DGAT2L6: variants seen among roughly 807,000 people sequenced by gnomAD.
DGAT2L6 encodes diacylglycerol O-acyltransferase 2 like 6.
Under a neutral mutation model 25.5 loss-of-function variants are expected in DGAT2L6, and 22 were observed. That is an observed-to-expected ratio of 0.86 (90% CI 0.62 to 1.23). The LOEUF is 1.23. DGAT2L6 is among the 50% of genes most tolerant of loss of function. DGAT2L6 has a pLI of 0.00. For synonymous variants in DGAT2L6, 100 were observed against 94.7 expected (o/e 1.06, Z -0.32); for missense variants, 287 against 253.2 (o/e 1.13, Z -0.91).
At chrX:70,202,143 T>A in intron 5 of DGAT2L6, 79 bp downstream of exon 5, 1 of 905,937 alleles carries the variant, frequency 1.1e-6, no homozygotes, top group East Asian at 4.0e-5. Flanking sequence ...GTGCCCTCCC[T>A]GGGCACCTGT....
At position 70,200,058 on chromosome X, in the gene DGAT2L6, C is replaced by G. The variant is rs186969997; in HGVS notation, c.267+176C>G. The stretch of plus-strand genomic sequence containing the variant: ...GGTGGGGAAACAGGTGGATGGCAGC[C>G]TTTCCTTCACTGGCAAACCCAGGTC... On this transcript the variant is annotated intron_variant, in intron 3 of 6. Transcript: ENST00000333026. Among the ~76,000 whole-genome samples, 705 of 111,303 alleles carry G rather than the reference C, an allele frequency of 6.3e-3. 2 individuals are homozygous for G. Among genetic ancestry groups the G allele is most frequent in the Non-Finnish European group, 0.011 (587 of 53,021 alleles).
At chrX:70,183,741 A>T (rs1432530216) in intron 1 of DGAT2L6, among the ~76,000 whole-genome samples, 1 of 111,323 alleles carries the variant, frequency 9.0e-6, no homozygotes, top group Non-Finnish European at 1.9e-5. Context: ...ACTGTAAAAA[A>T]TAGAACAGGT....
At chrX:70,197,561 CTAAA>C (rs2147608607) in intron 1 of DGAT2L6, among the ~76,000 whole-genome samples, 1 of 112,168 alleles carries the variant, frequency 8.9e-6, no homozygotes, top group Admixed American at 9.4e-5. Context: ...TACATGCTGA[CTAAA>C]TAGTAATTAT....
At chrX:70,185,821 G>A (rs1438057191) in intron 1 of DGAT2L6, among the ~76,000 whole-genome samples, 1 of 109,050 alleles carries the variant, frequency 9.2e-6, no homozygotes, top group East Asian at 2.8e-4. Context: ...TAATCACAAA[G>A]CCACAGAAAT....
chrX:70,180,500 GA>G (rs1291911598), intron 1 of DGAT2L6, among the ~76,000 whole-genome samples: 4 of 111,086 alleles, frequency 3.6e-5, no homozygotes, highest in African/African-American at 1.3e-4. Flanking sequence ...GAATAAACGG[GA>G]TTTTTTTTCA....
intron 1 of DGAT2L6, among the ~76,000 whole-genome samples, chrX:70,189,036 G>A (rs1429576954): frequency 9.6e-6 from 1 of 104,660 alleles, no homozygotes; most frequent in East Asian, 2.9e-4. Context: ...AAGATGAAAT[G>A]CTTTCTCCCT....
intron 1 of DGAT2L6, among the ~76,000 whole-genome samples, chrX:70,179,557 G>T (rs747825132): frequency 1.0e-5 from 1 of 95,617 alleles, no homozygotes; most frequent in South Asian, 5.2e-4. Flanking sequence ...GCTCTTCTGA[G>T]GCAGCTTTTT....
rs975361041 is a variant in DGAT2L6, at chrX:70,205,584, T to G, written c.*478T>G. 8.8e-6 allele frequency: 1 copy of G among 113,820 alleles called. No individual in the cohort carries two copies. Among genetic ancestry groups the G allele is most frequent in the African/African-American group, 3.2e-5 (1 of 30,914 alleles). The allele number at this position is 113,820 out of a possible 1,213,427, so 9.4% of individuals were successfully genotyped here. On this transcript the variant is annotated 3_prime_UTR_variant, in exon 7 of 7. Coordinates refer to ENST00000333026, the MANE Select transcript of DGAT2L6 (RefSeq NM_198512.3). ...ACTGCCACAAGGTAAACCAGGGACCTGAACTGTAGCTGCCTGGTCCAAGCA... is the reference window on the plus strand; with the variant it reads ...ACTGCCACAAGGTAAACCAGGGACCGGAACTGTAGCTGCCTGGTCCAAGCA...
intron 4 of DGAT2L6, 50 bp downstream of exon 4, chrX:70,200,509 C>G (rs1245378345): frequency 5.5e-6 from 6 of 1,087,041 alleles, no homozygotes; most frequent in Non-Finnish European, 7.5e-6. Context: ...TTCAAAGGTG[C>G]AACCCCAATA....
chrX:70,179,806 G>T (rs1279322759), intron 1 of DGAT2L6, among the ~76,000 whole-genome samples: 1 of 110,216 alleles, frequency 9.1e-6, no homozygotes, highest in African/African-American at 3.3e-5. Context: ...GACCTCAGGT[G>T]ATCCGCCGAC....
intron 1 of DGAT2L6, among the ~76,000 whole-genome samples, chrX:70,191,730 T>C (rs997171234): frequency 5.4e-5 from 6 of 112,067 alleles, no homozygotes; most frequent in African/African-American, 1.9e-4. Flanking sequence ...AAGCACATTA[T>C]AATCAAATTG....
intron 1 of DGAT2L6, among the ~76,000 whole-genome samples, chrX:70,196,793 G>A (rs2085393553): frequency 9.0e-6 from 1 of 111,151 alleles, no homozygotes; most frequent in South Asian, 3.8e-4. Flanking sequence ...AAGAACTACC[G>A]AAAGTCAACA....
Position 70,204,513 on chromosome X carries a change from G to C in DGAT2L6, c.856G>C (p.Val286Leu), listed in dbSNP as rs1011604220. ...GCCTTTCAATCGGCCCATTACCACTGTTGGTGAGCTTTCCCTTATCTCCGG... is the reference window on the plus strand; with the variant it reads ...GCCTTTCAATCGGCCCATTACCACTCTTGGTGAGCTTTCCCTTATCTCCGG... ...FLPFNRPITTVVGEPLPIPRI... is the reference protein window; with the variant it reads ...FLPFNRPITTLVGEPLPIPRI... The change falls in exon 6 of 7, where the codon GTT becomes CTT. Residue 286 changes from valine (V) to leucine (L), a missense_variant. Physicochemically the swap from Val to Leu is conservative, Grantham distance 32. Coordinates refer to ENST00000333026, the MANE Select transcript of DGAT2L6 (RefSeq NM_198512.3). 3 of 1,209,400 alleles carry C rather than the reference G, an allele frequency of 2.5e-6. No individual in the cohort carries two copies. The highest frequency in any genetic ancestry group is 4.4e-5 in the Admixed American group (2 of 45,945).
intron 1 of DGAT2L6, among the ~76,000 whole-genome samples, chrX:70,188,027 T>G (rs950775980): frequency 3.6e-5 from 4 of 111,874 alleles, no homozygotes; most frequent in Admixed American, 2.8e-4. Context: ...TTTATGAAGA[T>G]TAAATAAACT....
At chrX:70,197,339 G>A (rs1361525787) in intron 1 of DGAT2L6, among the ~76,000 whole-genome samples, 2 of 111,439 alleles carry the variant, frequency 1.8e-5, no homozygotes, top group Non-Finnish European at 3.8e-5. Context: ...GATGACACTC[G>A]GGCTGGGTCT....
chrX:70,203,856 A>G (rs2085419413), intron 5 of DGAT2L6, among the ~76,000 whole-genome samples: 1 of 110,601 alleles, frequency 9.0e-6, no homozygotes. Flanking sequence ...ACAAAGACAC[A>G]GAGATGAGAG....
chrX:70,205,198 T>G lies in DGAT2L6; in HGVS notation c.*92T>G. 2.0e-6 allele frequency: 2 copies of G among 979,864 alleles called. No homozygotes were observed. Among genetic ancestry groups the G allele is most frequent in the Non-Finnish European group, 2.7e-6 (2 of 748,534 alleles). 80.8% of individuals were successfully genotyped at this position (979,864 alleles called of 1,213,427 possible). ...AGAAGAATTCCAGGAGAGGGAAAGA[T>G]CGTAAGGATGAGAGAGGAGACCATC... On this transcript the variant is annotated 3_prime_UTR_variant, in exon 7 of 7. Coordinates refer to ENST00000333026, the MANE Select transcript of DGAT2L6 (RefSeq NM_198512.3).
chrX:70,196,058 A>T (rs1309212857), intron 1 of DGAT2L6, among the ~76,000 whole-genome samples: 1 of 111,738 alleles, frequency 8.9e-6, no homozygotes, highest in Non-Finnish European at 1.9e-5. Context: ...AAATCATCAC[A>T]TTGTGCACAT....
intron 4 of DGAT2L6, 55 bp downstream of exon 4, chrX:70,200,514 C>G: frequency 9.4e-7 from 1 of 1,062,688 alleles, no homozygotes; most frequent in East Asian, 3.2e-5. Flanking sequence ...AGGTGCAACC[C>G]CAATAAGTCC....
Sources: allele counts gnomAD v4.1 joint callset (sites outside exome capture counted in the v4.1 genomes callset), GRCh38; gene constraint gnomAD v4.1.1; transcripts MANE v1.5; gene names NCBI Gene and HGNC (gene_info 2026-07-23, HGNC 2026-07-21).